PKD1: variants seen among roughly 807,000 people sequenced by gnomAD.
PKD1 encodes the protein polycystin-1.
Under a neutral mutation model 361.7 loss-of-function variants are expected in PKD1, and 81 were observed. The ratio of observed to expected loss-of-function variants is 0.22; its 90% CI spans 0.19 to 0.27. PKD1 has a LOEUF of 0.27. PKD1 is among the 10% of genes least tolerant of loss of function. The pLI, the probability that PKD1 is intolerant of heterozygous loss-of-function variation, is 1.00. For synonymous variants in PKD1, 3,615 were observed against 2,818.3 expected (o/e 1.28, Z -8.95); for missense variants, 6,399 against 6,118.3 (o/e 1.05, Z -1.53).
intron 10 of PKD1, 52 bp downstream of exon 10, chr16:2,115,326 G>A: frequency 5.6e-6 from 8 of 1,435,980 alleles, no homozygotes; most frequent in Admixed American, 4.0e-5. Context: ...GCAGCAGACA[G>A]GAAGGTGGCC....
chr16:2,097,763 C>T lies in PKD1; in HGVS notation c.10185G>A (p.Gln3395=), dbSNP rs760569126. 1.2e-6 allele frequency: 2 copies of T among 1,611,428 alleles called. No individual in the cohort carries two copies. Among genetic ancestry groups the T allele is most frequent in the Non-Finnish European group, 1.7e-6 (2 of 1,179,878 alleles). Residue 3395 remains glutamine (Q), a synonymous_variant, in exon 32 of 46, where the codon CAG becomes CAA. Transcript: ENST00000262304. The part of the protein sequence containing the change: ...GLHAEQAFVG[Q]MKSDLFLDDS... ...CATCCAGAAACAAGTCACTCTTCAT[C>T]TGTCCAACAAAGGCCTGCTGAGAGG...
Position 2,088,757 on chromosome 16 carries a change from T to G in PKD1, c.*970A>C. 3 of 1,158,066 alleles carry G rather than the reference T, an allele frequency of 2.6e-6. No homozygotes were observed. Among genetic ancestry groups the G allele is most frequent in the Non-Finnish European group, 3.6e-6 (3 of 834,812 alleles). 71.7% of individuals were successfully genotyped at this position (1,158,066 alleles called of 1,614,324 possible). On this transcript the variant is annotated 3_prime_UTR_variant, in exon 46 of 46. Transcript: ENST00000262304. ...GACTTTGTCTGCTTGGTGCGGGGGT[T>G]GGGGGGGTGTCGAGGCTCTAGAAGC...
At chr16:2,126,466 C>T (rs2092801278) in intron 1 of PKD1, among the ~76,000 whole-genome samples, 1 of 152,294 alleles carries the variant, frequency 6.6e-6, no homozygotes, top group Non-Finnish European at 1.5e-5. Flanking sequence ...AGCCCTTCTC[C>T]TGCCACCAGT....
chr16:2,114,652 G>T lies in PKD1; in HGVS notation c.2371C>A (p.Arg791=). ...LLGLRPNPGL[R]LPGRYEVRAE... The stretch of plus-strand genomic sequence containing the variant: ...CGGACCTCATAGCGCCCAGGCAGCC[G>T]CAGTCCAGGGTTGGGCCTCAAGCCC... The change falls in exon 11 of 46, where the codon CGG becomes AGG. Residue 791 remains arginine, a synonymous_variant. Coordinates refer to ENST00000262304, the MANE Select transcript of PKD1 (RefSeq NM_001009944.3). 8 of 1,554,940 alleles carry T rather than the reference G, an allele frequency of 5.1e-6. No homozygotes were observed. In the South Asian group the frequency reaches 9.3e-5, roughly 18 times the overall value.
At chr16:2,113,830 C>A in intron 11 of PKD1, 1 of 437,548 alleles carries the variant, frequency 2.3e-6, no homozygotes, top group Non-Finnish European at 4.2e-6. Flanking sequence ...GGTTCAGACT[C>A]CACCTCAAAA....
chr16:2,115,668 G>C, intron 9 of PKD1, 43 bp from the exon 10 acceptor site: 2 of 1,580,746 alleles, frequency 1.3e-6, no homozygotes, highest in South Asian at 2.2e-5. Flanking sequence ...TTGCCCACAG[G>C]CCACCGTCAG....
Position 2,106,796 on chromosome 16 carries a change from A to G in PKD1, c.7209+9T>C. On this transcript the variant is annotated intron_variant, in intron 17 of 45. Coordinates refer to ENST00000262304, the MANE Select transcript of PKD1 (RefSeq NM_001009944.3). This position sits in a 1 kb window ranked among gnomAD's most constrained non-coding sequence, Gnocchi z 6.5. ...TCCCCAGCCCGCCCACACCCCGCTC[A>G]ACACTCACCCCTCGCTTGGAGCCGC... The G allele has an allele frequency of 1.3e-6, 2 of 1,512,792 alleles. No homozygotes were observed. The highest frequency in any genetic ancestry group is 1.8e-6 in the Non-Finnish European group (2 of 1,110,012). The allele number at this position is 1,512,792 out of a possible 1,614,324, so 93.7% of individuals were successfully genotyped here.
Position 2,118,161 on chromosome 16 carries a change from C to T in PKD1, c.831G>A (p.Leu277=), listed in dbSNP as rs1320968824. 2 of 1,574,886 alleles carry T rather than the reference C, an allele frequency of 1.3e-6. No homozygotes were observed. The highest frequency in any genetic ancestry group is 1.1e-5 in the South Asian group (1 of 87,590). ...AGGCCAGAGGTCCGTGGGGCCCCACCAGGGTGGCCCCTGGGGAGGCAGGGA... is the reference window on the plus strand; with the variant it reads ...AGGCCAGAGGTCCGTGGGGCCCCACTAGGGTGGCCCCTGGGGAGGCAGGGA... ...HVFPASPGAT[L]VGPHGPLASG... The change falls in exon 5 of 46, where the codon CTG becomes CTA. Residue 277 remains leucine, a synonymous_variant. Transcript: ENST00000262304. The surrounding 1 kb of genome is among the most constrained non-coding windows in gnomAD (Gnocchi z 6.0).
chr16:2,089,664 C>T lies in PKD1; in HGVS notation c.*63G>A, dbSNP rs901377656. The T allele has an allele frequency of 1.3e-6, 2 of 1,536,552 alleles. No homozygotes were observed. The highest frequency in any genetic ancestry group is 8.8e-7 in the Non-Finnish European group (1 of 1,137,394). On this transcript the variant is annotated 3_prime_UTR_variant, in exon 46 of 46. Transcript: ENST00000262304. ...GCCTGGCCCTCGGCCTTGACAGCGG[C>T]AGAAAGTAATACTGAGCGGTGTCCA... is the stretch of plus-strand genomic sequence containing the variant.
At chr16:2,099,798 G>T (rs1294130213) in intron 29 of PKD1, 28 bp from the exon 30 acceptor site, 6 of 1,553,880 alleles carry the variant, frequency 3.9e-6, no homozygotes, top group African/African-American at 1.4e-5. Flanking sequence ...GGCCACACAG[G>T]TGAGGCTGAG....
Position 2,090,584 on chromosome 16 carries a change from A to G in PKD1, c.12145T>C (p.Ser4049Pro). The G allele has an allele frequency of 6.2e-7, 1 of 1,608,818 alleles. No homozygotes were observed. Among genetic ancestry groups the G allele is most frequent in the African/African-American group, 1.3e-5 (1 of 75,036 alleles). The change falls in exon 45 of 46, where the codon TCT becomes CCT. Residue 4049 changes from serine to proline, a missense_variant. Physicochemically the swap from Ser to Pro is moderately conservative, Grantham distance 74 (BLOSUM62 -1). Coordinates refer to ENST00000262304, the MANE Select transcript of PKD1 (RefSeq NM_001009944.3). ...CTCCAGAGGGAGTCCACACAGGAAGACACGAGCTGCGGGGAAGGCGACACC... is the reference window on the plus strand; with the variant it reads ...CTCCAGAGGGAGTCCACACAGGAAGGCACGAGCTGCGGGGAAGGCGACACC... ...AYAQLAILLV[S>P]SCVDSLWSVA...
At chr16:2,097,058 AC>A in intron 34 of PKD1, 89 bp downstream of exon 34, 1 of 364,444 alleles carries the variant, frequency 2.7e-6, no homozygotes, top group Non-Finnish European at 5.4e-6. Flanking sequence ...ACCCCACCCC[AC>A]CCTACCCCAG....
In PKD1 at chr16:2,102,885, A is replaced by G. The variant is rs2092155436; in HGVS notation, c.8877T>C (p.Ala2959=). The G allele has an allele frequency of 2.5e-6, 4 of 1,610,142 alleles. No homozygotes were observed. In the East Asian group the frequency reaches 8.9e-5, roughly 36 times the overall value. ...EPRPNEHNCS[A]SRRIRPESLQ... Reference sequence around the variant, plus strand: ...GTGACTCTGGGCGGATCCTCCTGCTAGCCGAGCAGTTGTGCTCATTGGGCC... The same window carrying G: ...GTGACTCTGGGCGGATCCTCCTGCTGGCCGAGCAGTTGTGCTCATTGGGCC... The change falls in exon 24 of 46, where the codon GCT becomes GCC. Residue 2959 remains alanine, a synonymous_variant. Transcript: ENST00000262304.
intron 1 of PKD1, among the ~76,000 whole-genome samples, chr16:2,127,814 A>G (rs2092818124): frequency 1.3e-5 from 2 of 150,664 alleles, no homozygotes; most frequent in East Asian, 2.0e-4. Flanking sequence ...GTCTGACTCC[A>G]GGGCGCAAAT....
chr16:2,089,680 G>C lies in PKD1; in HGVS notation c.*47C>G, dbSNP rs926703768. The stretch of plus-strand genomic sequence containing the variant: ...TGACAGCGGCAGAAAGTAATACTGA[G>C]CGGTGTCCACTCCGACTCCACGGCC... On this transcript the variant is annotated 3_prime_UTR_variant, in exon 46 of 46. Coordinates refer to ENST00000262304, the MANE Select transcript of PKD1 (RefSeq NM_001009944.3). The C allele has an allele frequency of 6.5e-7, 1 of 1,548,638 alleles. No homozygotes were observed. The highest frequency in any genetic ancestry group is 8.7e-7 in the Non-Finnish European group (1 of 1,146,652).
chr16:2,106,646 G>C lies in PKD1; in HGVS notation c.7241C>G (p.Thr2414Arg). The change falls in exon 18 of 46, where the codon ACG becomes AGG. Residue 2414 changes from threonine to arginine, a missense_variant. Thr to Arg is a moderately conservative substitution (Grantham distance 71, BLOSUM62 -1). Coordinates refer to ENST00000262304, the MANE Select transcript of PKD1 (RefSeq NM_001009944.3). The surrounding 1 kb of genome is among the most constrained non-coding windows in gnomAD (Gnocchi z 6.5). ...RWAARTFSNKTLVLDETTTST... is the reference protein window; with the variant it reads ...RWAARTFSNKRLVLDETTTST... ...TGTGGTGGTCTCATCCAGCACCAGCGTCTTGTTGCTGAACGTACGTGCAGC... is the reference window on the plus strand; with the variant it reads ...TGTGGTGGTCTCATCCAGCACCAGCCTCTTGTTGCTGAACGTACGTGCAGC... 1 of 1,598,012 alleles carries C rather than the reference G, an allele frequency of 6.3e-7. No individual in the cohort carries two copies. The highest frequency in any genetic ancestry group is 8.5e-7 in the Non-Finnish European group (1 of 1,179,134).
rs771718105 is a variant in PKD1, at chr16:2,109,845, G to A, written c.5322C>T (p.Pro1774=). Residue 1774 remains proline, a synonymous_variant, in exon 15 of 46, where the codon CCC becomes CCT. Transcript: ENST00000262304. ...EPFTTHSFPT[P]GLHLVTMTAG... Reference sequence around the variant, plus strand: ...CCGTCATGGTGACCAAGTGCAGGCCGGGTGTGGGGAAGCTATGGGTGGTAA... The same window carrying A: ...CCGTCATGGTGACCAAGTGCAGGCCAGGTGTGGGGAAGCTATGGGTGGTAA... 3.5e-5 allele frequency: 56 copies of A among 1,610,558 alleles called. No homozygotes were observed. Among genetic ancestry groups the A allele is most frequent in the Admixed American group, 2.2e-4 (13 of 59,986 alleles).
Position 2,106,571 on chromosome 16 carries a change from C to G in PKD1, c.7316G>C (p.Arg2439Pro), listed in dbSNP as rs201021499. The G allele has an allele frequency of 6.3e-7, 1 of 1,596,460 alleles. No homozygotes were observed. The part of the protein sequence containing the change: ...MRLVLRRGVL[R>P]DGEGYTFTLT... ...CGTGAAGGTGTATCCCTCGCCGTCC[C>G]GCAGCACGCCCCGCCGCAGCACCAG... The change falls in exon 18 of 46, where the codon CGG (arginine) becomes CCG (proline). Residue 2439 changes from arginine to proline, a missense_variant. Physicochemically the swap from Arg to Pro is moderately radical, Grantham distance 103. Transcript: ENST00000262304. This position sits in a 1 kb window ranked among gnomAD's most constrained non-coding sequence, Gnocchi z 6.5.
Position 2,097,913 on chromosome 16 carries a change from G to A in PKD1, c.10122C>T (p.Ser3374=), listed in dbSNP as rs755538285. Residue 3374 remains serine, a synonymous_variant, in exon 31 of 46, where the codon TCC becomes TCT. Transcript: ENST00000262304. ...VLDIDSCLDS[S]VLDSSFLTFS... is the part of the protein sequence containing the mutation. Reference sequence around the variant, plus strand: ...ACGTGAGGAAGGAGCTGTCCAGCACGGACGAGTCCAGGCAGCTGTCGATGT... The same window carrying A: ...ACGTGAGGAAGGAGCTGTCCAGCACAGACGAGTCCAGGCAGCTGTCGATGT... The A allele has an allele frequency of 1.6e-5, 26 of 1,604,524 alleles. No individual in the cohort carries two copies. The highest frequency in any genetic ancestry group is 4.5e-4 in the Middle Eastern group (2 of 4,448).
Sources: allele counts gnomAD v4.1 joint callset (sites outside exome capture counted in the v4.1 genomes callset), GRCh38; gene constraint gnomAD v4.1.1; non-coding constraint Gnocchi (gnomAD v3.1); transcripts MANE v1.5; gene names NCBI Gene and HGNC (gene_info 2026-07-23, HGNC 2026-07-21).